The following LRP2 variants were observed in gnomAD, a reference collection of about 807,000 sequenced individuals.
The protein encoded by LRP2 is low-density lipoprotein receptor-related protein 2.
A neutral mutation model predicts 531.0 loss-of-function variants in LRP2; 172 were observed. That is an observed-to-expected ratio of 0.32 (90% CI 0.29 to 0.37). The LOEUF is 0.37. LRP2 is among the 10% of genes least tolerant of loss of function. The pLI is 1.00. For missense variants in LRP2, 5,167 were observed against 5,868.3 expected (o/e 0.88, Z 3.90); for synonymous variants, 1,992 against 2,027.6 (o/e 0.98, Z 0.47).
At chr2:169,130,361 C>G (rs1445275178) in intron 77 of LRP2, among the ~76,000 whole-genome samples, 3 of 151,692 alleles carry the variant, frequency 2.0e-5, no homozygotes, top group Non-Finnish European at 4.4e-5. Flanking sequence ...AGTCTCGGCC[C>G]ACTACAACCT....
At chr2:169,327,083 G>A (rs1159999178) in intron 1 of LRP2, among the ~76,000 whole-genome samples, 1 of 151,116 alleles carries the variant, frequency 6.6e-6, no homozygotes, top group South Asian at 2.1e-4. Context: ...CGGGAGGGAG[G>A]TGGGGGGGTC....
At chr2:169,302,633 C>G (rs1414671679) in intron 4 of LRP2, among the ~76,000 whole-genome samples, 1 of 152,070 alleles carries the variant, frequency 6.6e-6, no homozygotes, top group Non-Finnish European at 1.5e-5. Flanking sequence ...TGCTCCAGGT[C>G]TAGCTACTAA....
chr2:169,306,635 A>G (rs945315427), intron 4 of LRP2, among the ~76,000 whole-genome samples: 7 of 152,354 alleles, frequency 4.6e-5, no homozygotes, highest in African/African-American at 1.7e-4. Context: ...ACTAATTCCT[A>G]TCTTCTCATA....
At chr2:169,261,685 T>C (rs964900267) in intron 16 of LRP2, among the ~76,000 whole-genome samples, 14 of 152,136 alleles carry the variant, frequency 9.2e-5, no homozygotes, top group African/African-American at 3.4e-4. Flanking sequence ...ACTGGTACCA[T>C]TCCTTCTGAA....
chr2:169,292,205 A>G, intron 7 of LRP2, 48 bp downstream of exon 7: 2 of 1,364,096 alleles, frequency 1.5e-6, no homozygotes, highest in South Asian at 2.3e-5. Flanking sequence ...AGCGCTGGAA[A>G]ACACTTGAAG....
At chr2:169,261,353 G>A (rs1033056183) in intron 16 of LRP2, among the ~76,000 whole-genome samples, 1 of 151,732 alleles carries the variant, frequency 6.6e-6, no homozygotes, top group Non-Finnish European at 1.5e-5. Flanking sequence ...TTTTTCTTTA[G>A]AGACAGGTCT....
At position 169,127,685 on chromosome 2, in the gene LRP2, A is replaced by G. The variant is rs187739804; in HGVS notation, c.*978T>C. On this transcript the variant is annotated 3_prime_UTR_variant, in exon 79 of 79. Coordinates refer to ENST00000649046, the MANE Select transcript of LRP2 (RefSeq NM_004525.3). The stretch of plus-strand genomic sequence containing the variant: ...CTTTCTATTCAGGTTCAACTTAGGA[A>G]ATAAATAGTGATTATAATGATATTT... The G allele has an allele frequency of 5.9e-5, 9 of 152,734 alleles. No homozygotes were observed. The highest frequency in any genetic ancestry group is 2.2e-4 in the African/African-American group (9 of 41,566). The allele number at this position is 152,734 out of a possible 1,614,324, so 9.5% of individuals were successfully genotyped here. A position where few individuals can be genotyped will look rare whatever the true frequency, so the allele number is the denominator to read the frequency against.
At chr2:169,146,328 C>A (rs1248195397) in intron 69 of LRP2, among the ~76,000 whole-genome samples, 3 of 152,014 alleles carry the variant, frequency 2.0e-5, no homozygotes, top group African/African-American at 7.2e-5. Context: ...GTCTGAACAA[C>A]AACAACAAAA....
At chr2:169,290,565 G>A (rs898711650) in intron 8 of LRP2, among the ~76,000 whole-genome samples, 1 of 152,088 alleles carries the variant, frequency 6.6e-6, no homozygotes, top group Non-Finnish European at 1.5e-5. Flanking sequence ...AAGTACTTGA[G>A]CCCTAGGATT....
At chr2:169,271,513 T>C (rs930103839) in intron 15 of LRP2, among the ~76,000 whole-genome samples, 2 of 151,380 alleles carry the variant, frequency 1.3e-5, no homozygotes, top group African/African-American at 4.9e-5. Flanking sequence ...TAAAGTAAAA[T>C]AGTATAAATA....
chr2:169,144,742 T>C (rs962442543), intron 70 of LRP2, among the ~76,000 whole-genome samples: 1 of 151,954 alleles, frequency 6.6e-6, no homozygotes, highest in African/African-American at 2.4e-5. Flanking sequence ...CAGCTTTGAG[T>C]TGCAATTTTT....
chr2:169,278,028 T>C, intron 12 of LRP2, 77 bp from the exon 13 acceptor site: 2 of 1,135,838 alleles, frequency 1.8e-6, no homozygotes, highest in Non-Finnish European at 2.6e-6. Flanking sequence ...ACAGTGTGTT[T>C]GGATCAATGG....
intron 34 of LRP2, among the ~76,000 whole-genome samples, chr2:169,217,713 C>T (rs1427650138): frequency 6.6e-6 from 1 of 152,116 alleles, no homozygotes; most frequent in African/African-American, 2.4e-5. Context: ...TCATCCCTAG[C>T]AGACTTTATA....
intron 34 of LRP2, among the ~76,000 whole-genome samples, chr2:169,219,069 A>C (rs1688895658): frequency 6.6e-6 from 1 of 152,256 alleles, no homozygotes; most frequent in African/African-American, 2.4e-5. Flanking sequence ...AACGAAAAAC[A>C]AATAATGAGT....
chr2:169,284,562 C>T (rs1683801019), intron 9 of LRP2, among the ~76,000 whole-genome samples: 1 of 152,124 alleles, frequency 6.6e-6, no homozygotes, highest in Admixed American at 6.6e-5. Flanking sequence ...CCACCGCATC[C>T]AGCCCCAAGA....
At chr2:169,148,579 G>A (rs6761244) in intron 68 of LRP2, among the ~76,000 whole-genome samples, 72,226 of 151,830 alleles carry the variant, frequency 0.48, 17,724 homozygotes, top group Admixed American at 0.6. Context: ...AGTGAGCTAT[G>A]ATCATGCCAC....
In LRP2 at chr2:169,241,096, G is replaced by A. The variant is rs1194877797; in HGVS notation, c.3937C>T (p.Pro1313Ser). The A allele has an allele frequency of 1.2e-6, 2 of 1,614,050 alleles. No homozygotes were observed. Among genetic ancestry groups the A allele is most frequent in the Admixed American group, 1.7e-5 (1 of 60,026 alleles). Reference sequence around the variant, plus strand: ...CCAAGACACTGCCATTGCCAACTAGGACAGCGAAAGGGCTGAGTAGGGCAG... The same window carrying A: ...CCAAGACACTGCCATTGCCAACTAGAACAGCGAAAGGGCTGAGTAGGGCAG... ...KDCPTQPFRCPSWQWQCLGHN... is the reference protein window; with the variant it reads ...KDCPTQPFRCSSWQWQCLGHN... Residue 1313 changes from proline to serine, a missense_variant, in exon 25 of 79, where the codon CCT becomes TCT. This residue lies in a region of LRP2 where 2,811 missense variants were observed against 3,058.0 expected (regional missense o/e 0.92). Transcript: ENST00000649046.
In LRP2 at chr2:169,235,791, C is replaced by T. The variant is rs1257236565; in HGVS notation, c.4920+49G>A. On this transcript the variant is annotated intron_variant, in intron 29 of 78. Coordinates refer to ENST00000649046, the MANE Select transcript of LRP2 (RefSeq NM_004525.3). Reference sequence around the variant, plus strand: ...TTTTCTGATACTCGTCTGATTTCTACCTATCCACGACTGTAGTTTTAATTT... The same window carrying T: ...TTTTCTGATACTCGTCTGATTTCTATCTATCCACGACTGTAGTTTTAATTT... 4 of 1,380,156 alleles carry T rather than the reference C, an allele frequency of 2.9e-6. No homozygotes were observed. The East Asian group carries it at 9.2e-5, about 32-fold the overall frequency. The allele number at this position is 1,380,156 out of a possible 1,614,324, so 85.5% of individuals were successfully genotyped here.
At position 169,168,486 on chromosome 2, in the gene LRP2, T is replaced by C. The variant is rs1023838372; in HGVS notation, c.11635+53A>G. ...CTCACATGCTACACGTAAGAAACAA[T>C]GAGATTTGACAGACAACACCACTCC... is the stretch of plus-strand genomic sequence containing the variant. On this transcript the variant is annotated intron_variant, in intron 61 of 78. Coordinates refer to ENST00000649046, the MANE Select transcript of LRP2 (RefSeq NM_004525.3). 7 of 1,559,372 alleles carry C rather than the reference T, an allele frequency of 4.5e-6. No homozygotes were observed. The African/African-American group carries it at 9.5e-5, about 21-fold the overall frequency.
Sources: allele counts gnomAD v4.1 joint callset (sites outside exome capture counted in the v4.1 genomes callset), GRCh38; gene constraint gnomAD v4.1.1; regional missense constraint gnomAD v4.1.1; transcripts MANE v1.5; gene names NCBI Gene and HGNC (gene_info 2026-07-23, HGNC 2026-07-21).